SLC12A7: variants seen among roughly 807,000 people sequenced by gnomAD.
The protein encoded by SLC12A7 is solute carrier family 12 member 7, also known as K-Cl cotransporter 4.
In SLC12A7, 100 loss-of-function variants were observed where a neutral mutation model predicts 120.6. The ratio of observed to expected loss-of-function variants is 0.83; its 90% confidence interval spans 0.71 to 0.98. The LOEUF (loss-of-function observed/expected upper bound fraction) is 0.98, where lower values mean the gene tolerates loss of function less well. SLC12A7 is among the 50% of genes least tolerant of loss of function. The pLI, the probability that SLC12A7 is intolerant of heterozygous loss-of-function variation, is 0.00. For synonymous variants in SLC12A7, 760 were observed against 678.0 expected, an observed-to-expected ratio of 1.12 and a Z score of -1.88; for missense variants, 1,373 against 1,548.1, an observed-to-expected ratio of 0.89 and a Z score of 1.90.
At chr5:1,095,170 C>G (rs1012649493) in intron 1 of SLC12A7, among the ~76,000 whole-genome samples, 1 of 151,776 alleles carries the variant, frequency 6.6e-6, no homozygotes, top group Non-Finnish European at 1.5e-5. Context: ...GAGGACACGG[C>G]AGGGAACCTA....
rs1240242638 is a variant in SLC12A7 at position 1,061,037 on chromosome 5, C to T, written c.2740-586G>A. 2.2e-4 allele frequency among the ~76,000 whole-genome samples: 31 copies of T among 141,878 alleles called. 1 individual carries two copies. The highest frequency in any genetic ancestry group is 8.1e-4 in the African/African-American group (30 of 36,990). 93.1% of individuals were successfully genotyped at this position (141,878 alleles called of 152,430 possible). A position where few individuals can be genotyped will look rare whatever the true frequency, so the allele number is the denominator to read the frequency against. On this transcript the variant is annotated intron_variant, in intron 20 of 23. Transcript: ENST00000264930. ...AGTCTCACCCGCCGCACCCGCCGTG[C>T]GGGATCCCTGAGTCTCACCCGCCGC... is the stretch of plus-strand genomic sequence containing the variant.
chr5:1,081,528 G>C lies in SLC12A7; in HGVS notation c.1297+49C>G, dbSNP rs186366198. On this transcript the variant is annotated intron_variant, in intron 9 of 23. Transcript: ENST00000264930. ...CAGAGCAAGACCTTGCCTCAAAAAAGAGAGGGAGAGAAAGAAAGAGAAGGG... is the reference window on the plus strand; with the variant it reads ...CAGAGCAAGACCTTGCCTCAAAAAACAGAGGGAGAGAAAGAAAGAGAAGGG... 4 of 1,568,922 alleles carry C rather than the reference G, an allele frequency of 2.5e-6. No individual in the cohort carries two copies. In the African/African-American group the frequency reaches 5.4e-5, roughly 21 times the overall value.
At chr5:1,138,953 G>C in the SLC12A7 span, among the ~76,000 whole-genome samples, 11 of 152,234 alleles carry the variant, frequency 7.2e-5, no homozygotes, top group Non-Finnish European at 1.2e-4. Context: ...CGACTCCAGG[G>C]CACTGGCCAG....
At chr5:1,153,759 T>G in the SLC12A7 span, among the ~76,000 whole-genome samples, 3 of 152,166 alleles carry the variant, frequency 2.0e-5, no homozygotes, top group African/African-American at 7.2e-5. Context: ...TTTGTTGGCC[T>G]CCACAGAGAA....
intron 1 of SLC12A7, among the ~76,000 whole-genome samples, chr5:1,107,713 G>A (rs4975642): frequency 0.31 from 46,962 of 152,124 alleles, 9,046 homozygotes; most frequent in Non-Finnish European, 0.43. Context: ...AAGGGGATCT[G>A]GTGTCCAACG....
chr5:1,093,613 T>C lies in SLC12A7; in HGVS notation c.262A>G (p.Lys88Glu). Residue 88 changes from lysine (K) to glutamate (E), a missense_variant, in exon 3 of 24, where the codon AAG (lysine) becomes GAG (glutamate). Coordinates refer to ENST00000264930, the MANE Select transcript of SLC12A7 (RefSeq NM_006598.3). ...SNPMVSSLLN[K>E]LANYTNLSQG... ...CTCAGGTTGGTGTAGTTGGCCAGCT[T>C]GTTGAGCAGCGAGGACACCATGGGG... The C allele has an allele frequency of 6.2e-7, 1 of 1,613,136 alleles. No homozygotes were observed. Among genetic ancestry groups the C allele is most frequent in the Non-Finnish European group, 8.5e-7 (1 of 1,179,870 alleles).
chr5:1,118,865 G>C, the SLC12A7 span, among the ~76,000 whole-genome samples: 1 of 152,202 alleles, frequency 6.6e-6, no homozygotes, highest in East Asian at 1.9e-4. Flanking sequence ...GTGTGGGCGT[G>C]TCTCGCTGAA....
At chr5:1,086,340 A>C (rs1739856713) in intron 6 of SLC12A7, among the ~76,000 whole-genome samples, 1 of 152,196 alleles carries the variant, frequency 6.6e-6, no homozygotes, top group African/African-American at 2.4e-5. Flanking sequence ...CTCAGCAGGA[A>C]GGACAGCACC....
rs1372556823 is a variant in SLC12A7, at chr5:1,064,130, C to T, written c.2560G>A (p.Asp854Asn). ...GGCAGCAGCATGAGCATGCCGCCGT[C>T]GTGCACGATCCACCACACGTCGATG... ...GHIDVWWIVH[D>N]GGMLMLLPFL... The change falls in exon 19 of 24, where the codon GAC (aspartate) becomes AAC (asparagine). Residue 854 changes from aspartate to asparagine, a missense_variant. By Grantham distance (23) the Asp-to-Asn change is conservative. Coordinates refer to ENST00000264930, the MANE Select transcript of SLC12A7 (RefSeq NM_006598.3). 1.2e-6 allele frequency: 2 copies of T among 1,611,624 alleles called. No individual in the cohort carries two copies. Among genetic ancestry groups the T allele is most frequent in the Admixed American group, 1.7e-5 (1 of 59,948 alleles).
chr5:1,096,846 G>GAAGGAAGA (rs1741287090), intron 1 of SLC12A7, among the ~76,000 whole-genome samples: 1 of 93,494 alleles, frequency 1.1e-5, no homozygotes, highest in Non-Finnish European at 2.1e-5. Context: ...GGGAGGGAGG[G>GAAGGAAGA]AAGGAGGGAG....
chr5:1,123,964 T>C, the SLC12A7 span, among the ~76,000 whole-genome samples: 1 of 152,260 alleles, frequency 6.6e-6, no homozygotes, highest in Non-Finnish European at 1.5e-5. Context: ...GCCAATACGC[T>C]ACTAAATTCA....
rs200677975 is a variant in SLC12A7 at position 1,073,622 on chromosome 5, G to T, written c.2241+11C>A. ...GAAAGAGGCCTGGCCCCCAGACCCC[G>T]CCCGGCCCACCTCCTCGGCCCGCTG... On this transcript the variant is annotated intron_variant, in intron 17 of 23. Transcript: ENST00000264930. 3.3e-5 allele frequency: 53 copies of T among 1,596,320 alleles called. No individual in the cohort carries two copies. In the Admixed American group the frequency reaches 9.3e-4, roughly 28 times the overall value.
At chr5:1,106,513 C>T (rs1337737186) in intron 1 of SLC12A7, among the ~76,000 whole-genome samples, 1 of 152,060 alleles carries the variant, frequency 6.6e-6, no homozygotes, top group African/African-American at 2.4e-5. Flanking sequence ...ACAGGAGAGC[C>T]CTCCGGGCAG....
intron 17 of SLC12A7, among the ~76,000 whole-genome samples, chr5:1,066,452 G>A (rs559785386): frequency 3.3e-5 from 5 of 152,312 alleles, no homozygotes; most frequent in South Asian, 2.1e-4. Context: ...ACACTGAGAT[G>A]GGGTGAACAT....
intron 1 of SLC12A7, among the ~76,000 whole-genome samples, chr5:1,106,379 G>C: frequency 6.6e-6 from 1 of 150,820 alleles, no homozygotes; most frequent in East Asian, 1.9e-4. Flanking sequence ...CTTGAACCTG[G>C]GAGGCAGAGG....
chr5:1,108,485 C>T (rs1031240672), intron 1 of SLC12A7, among the ~76,000 whole-genome samples: 8 of 152,212 alleles, frequency 5.3e-5, no homozygotes, highest in Middle Eastern at 3.2e-3. Context: ...CGGGCACAGC[C>T]GCGGGGTCAA....
At position 1,051,157 on chromosome 5, in the gene SLC12A7, G is replaced by A. The variant is rs1734991740; in HGVS notation, c.*1203C>T. ...GCAGAAACTCACAGCCAGCCGAAGT[G>A]CAAAGTGTTGGGCCCTTGAAAGCTA... On this transcript the variant is annotated 3_prime_UTR_variant, in exon 24 of 24. Coordinates refer to ENST00000264930, the MANE Select transcript of SLC12A7 (RefSeq NM_006598.3). 2.1e-5 allele frequency: 8 copies of A among 387,590 alleles called. No homozygotes were observed. In the South Asian group the frequency reaches 1.2e-3, roughly 56 times the overall value. The allele number at this position is 387,590 out of a possible 1,614,324, so 24.0% of individuals were successfully genotyped here.
intron 15 of SLC12A7, 81 bp downstream of exon 15, chr5:1,075,290 C>A: frequency 6.5e-7 from 1 of 1,536,858 alleles, no homozygotes; most frequent in South Asian, 1.2e-5. Flanking sequence ...GAGGCCCCTC[C>A]AGGGAGCTGC....
the SLC12A7 span, among the ~76,000 whole-genome samples, chr5:1,144,383 G>T: frequency 6.8e-3 from 1,041 of 152,364 alleles, 8 homozygotes; most frequent in Middle Eastern, 0.01. Context: ...CGAGATCCTG[G>T]AGAGTCAGGG....
Sources: gnomAD v4.1 joint callset for allele counts (sites outside exome capture counted in the v4.1 genomes callset) on GRCh38, gnomAD v4.1.1 for gene constraint, MANE v1.5 for transcripts, NCBI Gene and HGNC (gene_info 2026-07-23, HGNC 2026-07-21) for gene names.